The following MSR1 variants were observed in gnomAD, a reference collection of about 807,000 sequenced individuals.
The protein encoded by MSR1 is macrophage scavenger receptor types I and II.
MSR1 carries 53 observed loss-of-function variants against 47.2 expected under a neutral mutation model. The observed-to-expected ratio is 1.12, with a 90% confidence interval of 0.90 to 1.41. The LOEUF (loss-of-function observed/expected upper bound fraction) is 1.41. Ranked by LOEUF, MSR1 falls within the 40% of genes most tolerant of loss-of-function variation. MSR1 has a pLI of 0.00. For synonymous variants in MSR1, 239 were observed against 185.6 expected (o/e 1.29, Z -2.34); for missense variants, 786 against 546.9 (o/e 1.44, Z -4.36).
At chr8:16,126,324 T>C (rs950282330) in intron 8 of MSR1, among the ~76,000 whole-genome samples, 2 of 152,264 alleles carry the variant, frequency 1.3e-5, no homozygotes, top group East Asian at 1.9e-4. Context: ...GAAATGACTT[T>C]TGAGGAGCAT....
intron 6 of MSR1, among the ~76,000 whole-genome samples, chr8:16,152,669 C>G (rs547835664): frequency 6.6e-6 from 1 of 152,186 alleles, no homozygotes; most frequent in South Asian, 2.1e-4. Context: ...ATGGCCCACA[C>G]AAAGTTTCCT....
chr8:16,159,988 T>A (rs1801118237), intron 5 of MSR1, among the ~76,000 whole-genome samples: 1 of 151,982 alleles, frequency 6.6e-6, no homozygotes, highest in African/African-American at 2.4e-5. Context: ...CACAGTCAAA[T>A]TAGTTGAAAT....
chr8:16,184,087 T>A (rs1349524831), intron 1 of MSR1, among the ~76,000 whole-genome samples: 2 of 151,526 alleles, frequency 1.3e-5, no homozygotes, highest in Admixed American at 1.3e-4. Context: ...ATGAACAATA[T>A]GGAACTGAGA....
chr8:16,178,106 T>TTTC, intron 1 of MSR1, 114 bp from the exon 2 acceptor site: 1 of 802,956 alleles, frequency 1.2e-6, no homozygotes, highest in Non-Finnish European at 2.0e-6. Flanking sequence ...AGTTTTTCTT[T>TTTC]TTTTTTTTTA....
At chr8:16,184,975 G>T (rs1801952804) in intron 1 of MSR1, among the ~76,000 whole-genome samples, 1 of 114,442 alleles carries the variant, frequency 8.7e-6, no homozygotes, top group South Asian at 2.7e-4. Flanking sequence ...AAATACCCCT[G>T]ACAGGTGTAG....
rs1800082615 is a variant in MSR1 at position 16,124,468 on chromosome 8, T to C, written c.1034-3862A>G. 1.3e-5 allele frequency among the ~76,000 whole-genome samples: 2 copies of C among 152,166 alleles called. 1 individual carries two copies. The highest frequency in any genetic ancestry group is 4.1e-4 in the South Asian group (2 of 4,832). On this transcript the variant is annotated intron_variant, in intron 8 of 9. Coordinates refer to ENST00000262101, the MANE Select transcript of MSR1 (RefSeq NM_138715.3). ...GTCATGCTTAATCTCTGCTCACCTT[T>C]CCAACCTAACCCTTGAGAAATTCTC...
chr8:16,141,055 A>G, intron 8 of MSR1: 5 of 1,612,788 alleles, frequency 3.1e-6, no homozygotes, highest in Non-Finnish European at 3.4e-6. Flanking sequence ...CCTGACACAT[A>G]TATAAAGGAG....
Position 16,140,828 on chromosome 8 carries a change from C to T in MSR1, c.1033+2730G>A, listed in dbSNP as rs1353367741. 2.0e-5 allele frequency: 31 copies of T among 1,549,152 alleles called. No individual in the cohort carries two copies. In the Admixed American group the frequency reaches 5.7e-4, roughly 29 times the overall value. On this transcript the variant is annotated intron_variant, in intron 8 of 9. Coordinates refer to ENST00000262101, the MANE Select transcript of MSR1 (RefSeq NM_138715.3). ...AGCATGGGAGCAGAGGCCCAAACAG[C>T]ACCAGGGACCAGGAGAGAAGGCCAT...
At chr8:16,144,751 C>A (rs1253589499) in intron 7 of MSR1, among the ~76,000 whole-genome samples, 1 of 152,064 alleles carries the variant, frequency 6.6e-6, no homozygotes, top group East Asian at 1.9e-4. Context: ...CATAAAAGAT[C>A]TAGTTCTTCT....
intron 8 of MSR1, chr8:16,139,605 A>AT (rs1800475921): frequency 2.1e-6 from 2 of 975,074 alleles, no homozygotes; most frequent in East Asian, 1.1e-4. Flanking sequence ...CCCATAAGAG[A>AT]TTTTTAGAAC....
At chr8:16,137,168 C>T (rs1305355533) in intron 8 of MSR1, among the ~76,000 whole-genome samples, 4 of 152,040 alleles carry the variant, frequency 2.6e-5, no homozygotes, top group African/African-American at 9.7e-5. Flanking sequence ...CCCAGGTGCA[C>T]ATAAGTAGCT....
intron 1 of MSR1, among the ~76,000 whole-genome samples, chr8:16,184,456 T>C (rs1356411095): frequency 2.0e-5 from 3 of 152,152 alleles, no homozygotes; most frequent in Non-Finnish European, 4.4e-5. Context: ...TTAGTTAGGT[T>C]GGTAGTACAC....
chr8:16,123,685 TGC>T (rs1406544360), intron 8 of MSR1, among the ~76,000 whole-genome samples: 1 of 150,048 alleles, frequency 6.7e-6, no homozygotes, highest in Non-Finnish European at 1.5e-5. Context: ...ATAGACTATG[TGC>T]CTAAACGATT....
At chr8:16,176,746 C>T (rs1801660042) in intron 2 of MSR1, among the ~76,000 whole-genome samples, 1 of 152,062 alleles carries the variant, frequency 6.6e-6, no homozygotes, top group African/African-American at 2.4e-5. Context: ...ATGTCTCTCT[C>T]CTCCTTCTTC....
chr8:16,143,537 A>G, intron 8 of MSR1, 21 bp downstream of exon 8: 1 of 1,607,680 alleles, frequency 6.2e-7, no homozygotes, highest in Non-Finnish European at 8.5e-7. Context: ...TCACACAGAA[A>G]ACAAAATACT....
intron 1 of MSR1, among the ~76,000 whole-genome samples, chr8:16,180,520 G>C (rs76430774): frequency 1.3e-5 from 2 of 152,138 alleles, no homozygotes; most frequent in Non-Finnish European, 2.9e-5. Flanking sequence ...ACACAGTTCC[G>C]TTCATGTGAT....
At chr8:16,149,087 C>G (rs1359209867) in intron 7 of MSR1, among the ~76,000 whole-genome samples, 2 of 152,128 alleles carry the variant, frequency 1.3e-5, no homozygotes, top group Middle Eastern at 3.4e-3. Flanking sequence ...ACTATTCTGT[C>G]TAATACTGTA....
intron 3 of MSR1, 81 bp downstream of exon 3, chr8:16,175,106 G>T (rs1199775956): frequency 2.0e-5 from 22 of 1,115,198 alleles, no homozygotes; most frequent in Middle Eastern, 1.9e-4. Flanking sequence ...ATATACAAAA[G>T]ACTGAATGCT....
In MSR1 at chr8:16,109,172, C is replaced by T. The variant is rs1563134315; in HGVS notation, c.*913G>A. On this transcript the variant is annotated 3_prime_UTR_variant, in exon 10 of 10. Coordinates refer to ENST00000262101, the MANE Select transcript of MSR1 (RefSeq NM_138715.3). The stretch of plus-strand genomic sequence containing the variant: ...CCCTTTAGGACTAAAGACGCACCCC[C>T]CACCCCCCCCCCCGCCCTTTGGTTG... 1 of 31,902 alleles carries T rather than the reference C, an allele frequency of 3.1e-5. No homozygotes were observed. The highest frequency in any genetic ancestry group is 8.7e-5 in the African/African-American group (1 of 11,498). The allele number at this position is 31,902 out of a possible 1,614,324, so 2.0% of individuals were successfully genotyped here.
Sources: gnomAD v4.1 joint callset for allele counts (sites outside exome capture counted in the v4.1 genomes callset) on GRCh38, gnomAD v4.1.1 for gene constraint, MANE v1.5 for transcripts, NCBI Gene and HGNC (gene_info 2026-07-23, HGNC 2026-07-21) for gene names.